ATP9A: variants seen among roughly 807,000 people sequenced by gnomAD.
The protein encoded by ATP9A is probable phospholipid-transporting ATPase IIA.
A neutral mutation model predicts 144.1 loss-of-function variants in ATP9A; 52 were observed. The ratio of observed to expected loss-of-function variants is 0.36; its 90% CI spans 0.29 to 0.45. The LOEUF is 0.45. Among genes scored for constraint, ATP9A ranks in the 20% least tolerant of loss-of-function variants. ATP9A has a pLI of 1.00. For missense variants in ATP9A, 947 were observed against 1,392.7 expected (o/e 0.68, Z 5.09); for synonymous variants, 582 against 557.4 (o/e 1.04, Z -0.62).
Position 51,627,477 on chromosome 20 carries a change from A to G in ATP9A, c.1845+123T>C, listed in dbSNP as rs190667386. On this transcript the variant is annotated intron_variant, in intron 17 of 27. Coordinates refer to ENST00000338821, the MANE Select transcript of ATP9A (RefSeq NM_006045.3). ...GGCAAGTGCAAAGGCCTTCAACAAC[A>G]GTGAACCCAGTGTGCCCAGAAATGA... 5.8e-5 allele frequency: 51 copies of G among 881,636 alleles called. No homozygotes were observed. In the African/African-American group the frequency reaches 7.1e-4, roughly 12 times the overall value. The allele number at this position is 881,636 out of a possible 1,614,324, so 54.6% of individuals were successfully genotyped here. A position where few individuals can be genotyped will look rare whatever the true frequency, so the allele number is the denominator to read the frequency against.
intron 4 of ATP9A, among the ~76,000 whole-genome samples, chr20:51,709,463 C>G (rs180851049): frequency 7.4e-4 from 113 of 152,144 alleles, no homozygotes; most frequent in African/African-American, 2.6e-3. Flanking sequence ...TGCAGTGAGC[C>G]GAGATCGCGC....
chr20:51,763,433 C>T (rs954500224), intron 1 of ATP9A, among the ~76,000 whole-genome samples: 1 of 151,838 alleles, frequency 6.6e-6, no homozygotes, highest in Admixed American at 6.6e-5. Context: ...CTGCCTCAGC[C>T]TCCTGAGTAG....
chr20:51,741,187 T>C (rs2077783924), intron 1 of ATP9A, among the ~76,000 whole-genome samples: 1 of 152,144 alleles, frequency 6.6e-6, no homozygotes, highest in Non-Finnish European at 1.5e-5. Context: ...AGAGTTCTAC[T>C]GGGCAACACT....
chr20:51,609,209 G>C (rs146633551), intron 24 of ATP9A, among the ~76,000 whole-genome samples: 1 of 152,190 alleles, frequency 6.6e-6, no homozygotes, highest in African/African-American at 2.4e-5. Flanking sequence ...ACGGAAGGTC[G>C]CACGGCGCAC....
intron 14 of ATP9A, among the ~76,000 whole-genome samples, chr20:51,655,220 T>C (rs935056890): frequency 6.6e-6 from 1 of 152,062 alleles, no homozygotes; most frequent in Non-Finnish European, 1.5e-5. Context: ...ACAGAAATGA[T>C]AAAATAGTAA....
chr20:51,725,113 A>T (rs2077706678), intron 3 of ATP9A, among the ~76,000 whole-genome samples: 1 of 151,806 alleles, frequency 6.6e-6, no homozygotes, highest in African/African-American at 2.4e-5. Flanking sequence ...TTTATTTGGA[A>T]TTTTTTTGTT....
At chr20:51,651,341 A>G (rs1000529215) in intron 14 of ATP9A, among the ~76,000 whole-genome samples, 5 of 142,498 alleles carry the variant, frequency 3.5e-5, no homozygotes, top group East Asian at 2.0e-4. Context: ...TACATAATAT[A>G]TTATATAATA....
Position 51,658,893 on chromosome 20 carries a change from G to GGGGGGA in ATP9A, c.1294-1744_1294-1743insTCCCCC, listed in dbSNP as rs1568807184. ...ATGAAAATTAAGACCACTGGCGGGG[G>GGGGGGA]GGGGGGGGGGAAGGCTCATTGTTGA... On this transcript the variant is annotated intron_variant, in intron 13 of 27. Coordinates refer to ENST00000338821, the MANE Select transcript of ATP9A (RefSeq NM_006045.3). 1.7e-5 allele frequency among the ~76,000 whole-genome samples: 2 copies of GGGGGGA among 119,674 alleles called. 1 individual carries two copies. The highest frequency in any genetic ancestry group is 3.5e-5 in the Non-Finnish European group (2 of 57,064). The allele number at this position is 119,674 out of a possible 152,430, so 78.5% of individuals were successfully genotyped here.
chr20:51,752,869 A>G (rs1276856351), intron 1 of ATP9A, among the ~76,000 whole-genome samples: 4 of 152,166 alleles, frequency 2.6e-5, no homozygotes, highest in Non-Finnish European at 1.5e-5. Context: ...TTGGGAGGCC[A>G]AGGTGGGTGG....
chr20:51,644,028 G>A (rs918874217), intron 14 of ATP9A, among the ~76,000 whole-genome samples: 2 of 152,008 alleles, frequency 1.3e-5, no homozygotes, highest in African/African-American at 4.8e-5. Context: ...CCAGCTACTC[G>A]GGAGTCTAAG....
In ATP9A at chr20:51,666,171, G is replaced by C. The variant is rs79010406; in HGVS notation, c.1293+3826C>G. Among the ~76,000 whole-genome samples, 19 of 152,290 alleles carry C rather than the reference G, an allele frequency of 1.2e-4. 1 individual carries two copies. In the East Asian group the frequency reaches 3.7e-3, roughly 29 times the overall value. ...GTAAAGAGTCGCTTCCTGTACCCCA[G>C]TGGGTCATCTTGCAAACTCTTCCTT... On this transcript the variant is annotated intron_variant, in intron 13 of 27. Coordinates refer to ENST00000338821, the MANE Select transcript of ATP9A (RefSeq NM_006045.3).
In ATP9A at chr20:51,657,030, C is replaced by A; in HGVS notation, c.1414G>T (p.Val472Leu). 1 of 1,614,176 alleles carries A rather than the reference C, an allele frequency of 6.2e-7. No individual in the cohort carries two copies. Among genetic ancestry groups the A allele is most frequent in the Non-Finnish European group, 8.5e-7 (1 of 1,180,040 alleles). Residue 472 changes from valine to leucine, a missense_variant, in exon 14 of 28, where the codon GTG becomes TTG. Physicochemically the swap from Val to Leu is conservative, Grantham distance 32. Around this residue, in one of 2 missense-constraint regions of ATP9A, gnomAD observed 770 missense variants for 1,047.9 expected, o/e 0.73. Transcript: ENST00000338821. Reference sequence around the variant, plus strand: ...TCAGTCACACCGTTGGACTCATACACGGGAGTCACGTTGTGGCAGAGCGCG... The same window carrying A: ...TCAGTCACACCGTTGGACTCATACAAGGGAGTCACGTTGTGGCAGAGCGCG... ...AIALCHNVTP[V>L]YESNGVTDQA...
chr20:51,615,513 T>C (rs1437859093), intron 22 of ATP9A, among the ~76,000 whole-genome samples: 1 of 152,132 alleles, frequency 6.6e-6, no homozygotes, highest in Non-Finnish European at 1.5e-5. Flanking sequence ...TTTGTATAGA[T>C]AGCAAATATA....
chr20:51,603,435 T>C (rs2077150722), intron 27 of ATP9A, among the ~76,000 whole-genome samples: 2 of 152,114 alleles, frequency 1.3e-5, no homozygotes, highest in South Asian at 4.2e-4. Context: ...CGTGCCCGTG[T>C]TGCAAGTTCT....
At chr20:51,753,102 C>CAAA (rs200895118) in intron 1 of ATP9A, among the ~76,000 whole-genome samples, 1 of 125,472 alleles carries the variant, frequency 8.0e-6, no homozygotes. Context: ...GACTCTGTCT[C>CAAA]AAAAAAAAAA....
At chr20:51,767,073 CTTTTTT>C (rs10574254) in intron 1 of ATP9A, among the ~76,000 whole-genome samples, 4 of 140,730 alleles carry the variant, frequency 2.8e-5, no homozygotes, top group Non-Finnish European at 3.1e-5. Flanking sequence ...CAGCACCATT[CTTTTTT>C]TTTTTTTTTT....
At chr20:51,747,413 G>A (rs537771342) in intron 1 of ATP9A, among the ~76,000 whole-genome samples, 14 of 152,058 alleles carry the variant, frequency 9.2e-5, no homozygotes, top group Non-Finnish European at 1.8e-4. Flanking sequence ...CCCCGGAAAT[G>A]ACAAAGGCAC....
chr20:51,643,811 A>T lies in ATP9A; in HGVS notation c.1507-4307T>A, dbSNP rs1271956286. Among the ~76,000 whole-genome samples the T allele has an allele frequency of 1.1e-4, 16 of 152,338 alleles. No individual in the cohort carries two copies. The South Asian group carries it at 3.3e-3, about 32-fold the overall frequency. ...GCTAACAATTGTCTTCCAAAGTTTA[A>T]AATTAACAAATCAGTAATGATTCGC... On this transcript the variant is annotated intron_variant, in intron 14 of 27. Coordinates refer to ENST00000338821, the MANE Select transcript of ATP9A (RefSeq NM_006045.3).
intron 14 of ATP9A, among the ~76,000 whole-genome samples, chr20:51,646,003 C>A (rs1417298782): frequency 6.6e-6 from 1 of 152,148 alleles, no homozygotes; most frequent in Admixed American, 6.6e-5. Context: ...GATGAATGAA[C>A]AGATACATTA....
Sources: allele counts gnomAD v4.1 joint callset (sites outside exome capture counted in the v4.1 genomes callset), GRCh38; gene constraint gnomAD v4.1.1; regional missense constraint gnomAD v4.1.1; transcripts MANE v1.5; gene names NCBI Gene and HGNC (gene_info 2026-07-23, HGNC 2026-07-21).